CCDC117: variants seen among roughly 807,000 people sequenced by gnomAD.
The protein encoded by CCDC117 is coiled-coil domain containing 117.
A neutral mutation model predicts 23.5 loss-of-function variants in CCDC117; 1 was observed. The observed-to-expected ratio is 0.04, with a 90% CI of 0.02 to 0.20. The LOEUF (loss-of-function observed/expected upper bound fraction) is 0.20, where lower values mean the gene tolerates loss of function less well. Among genes scored for constraint, CCDC117 ranks in the 10% least tolerant of loss-of-function variants. The probability of loss-of-function intolerance (pLI) is 1.00; values close to 1 mark genes in which losing one functional copy is unlikely to be tolerated. For missense variants in CCDC117, 383 were observed against 348.2 expected, an observed-to-expected ratio of 1.10 and a Z score of -0.80; for synonymous variants, 132 against 124.8, an observed-to-expected ratio of 1.06 and a Z score of -0.39.
chr22:28,773,849 T>C (rs2031077313), intron 2 of CCDC117, 71 bp downstream of exon 2: 1 of 1,167,684 alleles, frequency 8.6e-7, no homozygotes, highest in Admixed American at 1.7e-5. Context: ...TCTAAATTAC[T>C]TAAGTGAAAA....
chr22:28,784,143 C>G (rs1244362881), intron 4 of CCDC117, among the ~76,000 whole-genome samples: 1 of 152,200 alleles, frequency 6.6e-6, no homozygotes, highest in African/African-American at 2.4e-5. Context: ...TGCTCTTAAT[C>G]TAAACACAGT....
Position 28,781,001 on chromosome 22 carries a change from ATGACTGGATTCTTTG to A in CCDC117, c.296_310del (p.Asp99_Cys103del). 1 of 1,614,106 alleles carries A rather than the reference ATGACTGGATTCTTTG, an allele frequency of 6.2e-7. No homozygotes were observed. Among genetic ancestry groups the A allele is most frequent in the Non-Finnish European group, 8.5e-7 (1 of 1,180,008 alleles). ...GAAGCAGAGCTCTGTGCTGGTCCTA[ATGACTGGATTCTTTG>A]TGCACATCAGGATGTAGAGGGGCAT... On this transcript the variant is annotated inframe_deletion, in exon 3 of 5. Transcript: ENST00000249064.
In CCDC117 at chr22:28,788,157, TTTC is replaced by T. The variant is rs1279298876; in HGVS notation, c.*1834_*1836del. On this transcript the variant is annotated 3_prime_UTR_variant, in exon 5 of 5. Transcript: ENST00000249064. ...AAAGCAGTTGGAAACCAGCTAATAG[TTTC>T]TTAATCTCAGATTTCGAGATGAATG... is the stretch of plus-strand genomic sequence containing the variant. 1 of 152,680 alleles carries T rather than the reference TTTC, an allele frequency of 6.5e-6. No homozygotes were observed. The highest frequency in any genetic ancestry group is 1.5e-5 in the Non-Finnish European group (1 of 68,048). 9.5% of individuals were successfully genotyped at this position (152,680 alleles called of 1,614,324 possible).
At chr22:28,780,160 A>G (rs2031277411) in intron 2 of CCDC117, among the ~76,000 whole-genome samples, 1 of 152,198 alleles carries the variant, frequency 6.6e-6, no homozygotes, top group Non-Finnish European at 1.5e-5. Flanking sequence ...CAAATAAAAA[A>G]AAATGGATTT....
chr22:28,784,450 C>T (rs1044997153), intron 4 of CCDC117, among the ~76,000 whole-genome samples: 1 of 152,158 alleles, frequency 6.6e-6, no homozygotes, highest in Admixed American at 6.5e-5. Context: ...GACTTTAGAT[C>T]GAGTTGGCAC....
At chr22:28,785,896 G>A (rs1181396336) in intron 4 of CCDC117, among the ~76,000 whole-genome samples, 193 bp from the exon 5 acceptor site, 12 of 148,400 alleles carry the variant, frequency 8.1e-5, no homozygotes, top group Admixed American at 6.8e-4. Context: ...GTACTCCACT[G>A]TGGACAACAC....
At chr22:28,777,062 T>C (rs1403285926) in intron 2 of CCDC117, among the ~76,000 whole-genome samples, 9 of 143,336 alleles carry the variant, frequency 6.3e-5, no homozygotes, top group Non-Finnish European at 3.0e-5. Flanking sequence ...TGAGATGGCA[T>C]CTTGCTCTGT....
At position 28,786,100 on chromosome 22, in the gene CCDC117, C is replaced by A. The variant is rs749876500; in HGVS notation, c.614C>A (p.Ser205Tyr). ...KKMIESMSRP[S>Y]MELVLWKPLP... ...ATTTTATGTCTTAGGAGCCGTCCTT[C>A]CATGGAGCTTGTTCTCTGGAAACCC... is the stretch of plus-strand genomic sequence containing the variant. The change falls in exon 5 of 5, where the codon TCC (serine) becomes TAC (tyrosine). Residue 205 changes from serine (S) to tyrosine (Y), a missense_variant. By Grantham distance (144) the Ser-to-Tyr change is moderately radical (BLOSUM62 -2). Transcript: ENST00000249064. The A allele has an allele frequency of 6.2e-7, 1 of 1,606,446 alleles. No homozygotes were observed. Among genetic ancestry groups the A allele is most frequent in the Non-Finnish European group, 8.5e-7 (1 of 1,178,062 alleles).
intron 2 of CCDC117, among the ~76,000 whole-genome samples, chr22:28,774,200 T>C (rs1458269553): frequency 6.6e-6 from 1 of 150,638 alleles, no homozygotes; most frequent in Non-Finnish European, 1.5e-5. Flanking sequence ...CCCGAGTAGC[T>C]GGGACTACAG....
Position 28,772,927 on chromosome 22 carries a change from C to T in CCDC117, c.78C>T (p.Ala26=), listed in dbSNP as rs1376089412. 7 of 1,224,314 alleles carry T rather than the reference C, an allele frequency of 5.7e-6. No homozygotes were observed. The highest frequency in any genetic ancestry group is 3.8e-5 in the South Asian group (1 of 26,160). 75.8% of individuals were successfully genotyped at this position (1,224,314 alleles called of 1,614,324 possible). A position where few individuals can be genotyped will look rare whatever the true frequency, so the allele number is the denominator to read the frequency against. ...ACTTCCTGCAGCCGCCGCAGCCGGC[C>T]TTCCCCGGCCGGGCCTTCCCGCCGG... is the stretch of plus-strand genomic sequence containing the variant. The part of the protein sequence containing the change: ...GSDFLQPPQP[A]FPGRAFPPGA... The change falls in exon 1 of 5, where the codon GCC becomes GCT. Residue 26 remains alanine (A), a synonymous_variant. Coordinates refer to ENST00000249064, the MANE Select transcript of CCDC117 (RefSeq NM_173510.4).
intron 3 of CCDC117, among the ~76,000 whole-genome samples, chr22:28,782,978 T>C (rs989984522): frequency 5.3e-5 from 8 of 152,200 alleles, no homozygotes; most frequent in Non-Finnish European, 5.9e-5. Context: ...CTCTGAAATA[T>C]TATTCAGATT....
intron 3 of CCDC117, 90 bp downstream of exon 3, chr22:28,781,262 A>T: frequency 1.5e-6 from 1 of 683,116 alleles, no homozygotes; most frequent in African/African-American, 1.8e-5. Context: ...ATTTGGTGAT[A>T]CCTTGATCCT....
In CCDC117 at chr22:28,772,861, C is replaced by T. The variant is rs978227069; in HGVS notation, c.12C>T (p.Leu4=). 3.6e-5 allele frequency: 44 copies of T among 1,232,824 alleles called. No homozygotes were observed. The African/African-American group carries it at 6.4e-4, about 18-fold the overall frequency. 76.4% of individuals were successfully genotyped at this position (1,232,824 alleles called of 1,614,324 possible). MAA[L]GRPFSGLPLS... is the part of the protein sequence containing the mutation. ...TCGTCTCGCCGGCTATGGCTGCGCT[C>T]GGCCGGCCCTTCAGCGGCCTCCCTC... Residue 4 remains leucine (L), a synonymous_variant, in exon 1 of 5, where the codon CTC becomes CTT. Coordinates refer to ENST00000249064, the MANE Select transcript of CCDC117 (RefSeq NM_173510.4).
chr22:28,784,469 G>A (rs1483871015), intron 4 of CCDC117, among the ~76,000 whole-genome samples: 2 of 152,172 alleles, frequency 1.3e-5, no homozygotes, highest in Non-Finnish European at 2.9e-5. Context: ...ACTCAATAAG[G>A]GCAAGTTTCA....
rs2031591234 is a variant in CCDC117, at chr22:28,788,882, GA to G, written c.*2562del. ...GGCTTACTGTGCTAATGTGTGAAGA[GA>G]AAAAATTCTCTAAAGCAGGTGAGCT... On this transcript the variant is annotated 3_prime_UTR_variant, in exon 5 of 5. Transcript: ENST00000249064. 2 of 152,322 alleles carry G rather than the reference GA, an allele frequency of 1.3e-5. No individual in the cohort carries two copies. Among genetic ancestry groups the G allele is most frequent in the South Asian group, 2.1e-4 (1 of 4,816 alleles). The allele number at this position is 152,322 out of a possible 1,614,324, so 9.4% of individuals were successfully genotyped here.
intron 3 of CCDC117, among the ~76,000 whole-genome samples, chr22:28,781,974 G>T (rs1292233037): frequency 7.2e-6 from 1 of 138,336 alleles, no homozygotes; most frequent in Non-Finnish European, 1.5e-5. Context: ...ATTGATACAG[G>T]GTCTTGCTTT....
Position 28,773,595 on chromosome 22 carries a change from A to G in CCDC117, c.186-130A>G, listed in dbSNP as rs2146242408. On this transcript the variant is annotated intron_variant, in intron 1 of 4. Coordinates refer to ENST00000249064, the MANE Select transcript of CCDC117 (RefSeq NM_173510.4). The stretch of plus-strand genomic sequence containing the variant: ...CCCGACTGACCTGTGATTTGTACCC[A>G]TCCCACTAGGCTCAGAAAGGGACGT... The G allele has an allele frequency of 2.4e-5, 17 of 718,484 alleles. No homozygotes were observed. In the South Asian group the frequency reaches 2.6e-4, roughly 11 times the overall value. 44.5% of individuals were successfully genotyped at this position (718,484 alleles called of 1,614,324 possible). A position where few individuals can be genotyped will look rare whatever the true frequency, so the allele number is the denominator to read the frequency against.
chr22:28,773,109 C>G, intron 1 of CCDC117, 75 bp downstream of exon 1: 6 of 730,524 alleles, frequency 8.2e-6, no homozygotes, highest in Non-Finnish European at 1.0e-5. Flanking sequence ...GCGGCGGGCG[C>G]GGGCAGGGGC....
chr22:28,782,022 TAACCTTTCAGGCTC>T (rs1436025551), intron 3 of CCDC117, among the ~76,000 whole-genome samples: 1 of 147,202 alleles, frequency 6.8e-6, no homozygotes, highest in Non-Finnish European at 1.5e-5. Flanking sequence ...ACTGCAGTCT[TAACCTTTCAGGCTC>T]AACCCATCTG....
Sources: gnomAD v4.1 joint callset for allele counts (sites outside exome capture counted in the v4.1 genomes callset) on GRCh38, gnomAD v4.1.1 for gene constraint, MANE v1.5 for transcripts, NCBI Gene and HGNC (gene_info 2026-07-23, HGNC 2026-07-21) for gene names.